PHKA2: variants seen among roughly 807,000 people sequenced by gnomAD.
The protein encoded by PHKA2 is phosphorylase b kinase regulatory subunit alpha, liver isoform.
Under a neutral mutation model 102.0 loss-of-function variants are expected in PHKA2, and 31 were observed. That is an observed-to-expected ratio of 0.30 (90% confidence interval 0.23 to 0.41). PHKA2 has a LOEUF of 0.41. Among genes scored for constraint, PHKA2 ranks in the 10% least tolerant of loss-of-function variants. The probability of loss-of-function intolerance (pLI) is 1.00; values close to 1 mark genes in which losing one functional copy is unlikely to be tolerated. For synonymous variants in PHKA2, 455 were observed against 416.2 expected (o/e 1.09, Z -1.13); for missense variants, 858 against 1,023.1 (o/e 0.84, Z 2.20).
At chrX:18,921,255 C>A (rs1176598361) in intron 17 of PHKA2, among the ~76,000 whole-genome samples, 1 of 111,394 alleles carries the variant, frequency 9.0e-6, no homozygotes, top group Non-Finnish European at 1.9e-5. Flanking sequence ...CATGGTGAAA[C>A]CCCTCTCTAC....
chrX:18,920,238 G>A (rs779176968), intron 17 of PHKA2, 37 bp from the exon 18 acceptor site: 3 of 683,386 alleles, frequency 4.4e-6, no homozygotes, highest in East Asian at 6.4e-5. Context: ...CACAGGTAGT[G>A]TGTGGATAAC....
intron 1 of PHKA2, among the ~76,000 whole-genome samples, chrX:18,967,563 G>A (rs1272234760): frequency 9.2e-6 from 1 of 108,574 alleles, no homozygotes; most frequent in Non-Finnish European, 1.9e-5. Flanking sequence ...GCTGAGATGT[G>A]TTTCGGTGGT....
intron 29 of PHKA2, 53 bp from the exon 30 acceptor site, chrX:18,897,386 G>C (rs1344436878): frequency 2.6e-6 from 3 of 1,137,696 alleles, no homozygotes; most frequent in Non-Finnish European, 3.6e-6. Flanking sequence ...GTGCCCCAGG[G>C]AAAGTGCGCC....
chrX:18,895,064 G>C, intron 31 of PHKA2, 74 bp downstream of exon 31: 1 of 966,209 alleles, frequency 1.0e-6, no homozygotes, highest in Non-Finnish European at 1.5e-6. Context: ...GAGCACAAGA[G>C]GTCAGAGTCC....
intron 13 of PHKA2, among the ~76,000 whole-genome samples, chrX:18,927,751 C>A (rs2048235871): frequency 8.9e-6 from 1 of 111,737 alleles, no homozygotes; most frequent in Admixed American, 9.5e-5. Context: ...AGGCCCTCAG[C>A]AAATGGGAAC....
chrX:18,977,344 T>G (rs1470030133), intron 1 of PHKA2, among the ~76,000 whole-genome samples: 2 of 112,524 alleles, frequency 1.8e-5, no homozygotes, highest in Admixed American at 9.5e-5. Flanking sequence ...AAAAAATATC[T>G]TGTGAAGCTG....
intron 27 of PHKA2, 66 bp downstream of exon 27, chrX:18,901,419 C>G (rs1350334190): frequency 1.4e-6 from 1 of 722,532 alleles, no homozygotes; most frequent in African/African-American, 2.1e-5. Context: ...GTTTCTGTCG[C>G]TTTCTGGGGT....
At chrX:18,921,246 A>C (rs1250920339) in intron 17 of PHKA2, among the ~76,000 whole-genome samples, 1 of 111,506 alleles carries the variant, frequency 9.0e-6, no homozygotes, top group Non-Finnish European at 1.9e-5. Context: ...CCTGGCCAAC[A>C]TGGTGAAACC....
chrX:18,899,972 T>A (rs1055640214), intron 28 of PHKA2, among the ~76,000 whole-genome samples: 4 of 111,445 alleles, frequency 3.6e-5, no homozygotes, highest in Non-Finnish European at 7.5e-5. Flanking sequence ...AAGGAACCAC[T>A]CAGATTCACC....
chrX:18,895,172 T>C lies in PHKA2; in HGVS notation c.3302A>G (p.Asp1101Gly), dbSNP rs776316072. Residue 1101 changes from aspartate (D) to glycine (G), a missense_variant, in exon 31 of 33, where the codon GAT becomes GGT. By Grantham distance (94) the Asp-to-Gly change is moderately conservative. Transcript: ENST00000379942. ...ILQKCHGLSI[D>G]GYVLPSSTTR... The stretch of plus-strand genomic sequence containing the variant: ...CGTCGAGGATGGGAGGACATAACCA[T>C]CGATGGAGAGACCGTGGCACTGGAG... The C allele has an allele frequency of 5.0e-6, 6 of 1,209,338 alleles. No homozygotes were observed. In the African/African-American group the frequency reaches 7.0e-5, roughly 14 times the overall value.
chrX:18,938,517 A>G (rs2048430642), intron 10 of PHKA2, 110 bp downstream of exon 10: 4 of 791,354 alleles, frequency 5.1e-6, no homozygotes, highest in Middle Eastern at 2.9e-4. Context: ...AAGTGGGAAC[A>G]GATAACCGAA....
At chrX:18,975,581 A>G (rs983469347) in intron 1 of PHKA2, among the ~76,000 whole-genome samples, 2 of 112,024 alleles carry the variant, frequency 1.8e-5, no homozygotes, top group Non-Finnish European at 3.8e-5. Flanking sequence ...CTTCCCCACA[A>G]TTTTCTCCAT....
At chrX:18,939,234 G>T (rs992029015) in intron 9 of PHKA2, among the ~76,000 whole-genome samples, 4 of 111,517 alleles carry the variant, frequency 3.6e-5, no homozygotes, top group African/African-American at 1.3e-4. Context: ...GTAGTACAAT[G>T]GTGTGATCTC....
At position 18,938,830 on chromosome X, in the gene PHKA2, T is replaced by C. The variant is rs41311493; in HGVS notation, c.919-81A>G. The C allele has an allele frequency of 9.8e-3, 9,123 of 932,777 alleles. 36 individuals are homozygous for C. Among genetic ancestry groups the C allele is most frequent in the Middle Eastern group, 0.026 (97 of 3,769 alleles). The allele number at this position is 932,777 out of a possible 1,213,427, so 76.9% of individuals were successfully genotyped here. A position where few individuals can be genotyped will look rare whatever the true frequency, so the allele number is the denominator to read the frequency against. Reference sequence around the variant, plus strand: ...CCATTGTGCCTCATGGGGTTTCCCATGCTTGACTGATTTTTACAGCTTTGA... The same window carrying C: ...CCATTGTGCCTCATGGGGTTTCCCACGCTTGACTGATTTTTACAGCTTTGA... On this transcript the variant is annotated intron_variant, in intron 9 of 32. Transcript: ENST00000379942.
Position 18,951,094 on chromosome X carries a change from C to G in PHKA2, c.454+10G>C, listed in dbSNP as rs778882246. On this transcript the variant is annotated intron_variant, in intron 4 of 32. Coordinates refer to ENST00000379942, the MANE Select transcript of PHKA2 (RefSeq NM_000292.3). ...TCCTTATACAATGGGCTCCAGCAACCCCAGCTCACCTGAGGCGGTCATCTG... is the reference window on the plus strand; with the variant it reads ...TCCTTATACAATGGGCTCCAGCAACGCCAGCTCACCTGAGGCGGTCATCTG... 8.3e-7 allele frequency: 1 copy of G among 1,209,813 alleles called. No homozygotes were observed. Among genetic ancestry groups the G allele is most frequent in the African/African-American group, 1.7e-5 (1 of 57,361 alleles).
intron 1 of PHKA2, among the ~76,000 whole-genome samples, chrX:18,960,536 G>A (rs775931087): frequency 1.8e-5 from 2 of 111,469 alleles, no homozygotes; most frequent in South Asian, 7.5e-4. Context: ...GATGGGGGAG[G>A]TGCCACATAC....
At chrX:18,899,023 C>T (rs969875217) in intron 29 of PHKA2, 150 bp downstream of exon 29, 7 of 531,571 alleles carry the variant, frequency 1.3e-5, no homozygotes, top group African/African-American at 2.3e-5. Context: ...TTCTACCCTC[C>T]TCAGAATTCC....
At chrX:18,939,569 G>C (rs1376104989) in intron 9 of PHKA2, among the ~76,000 whole-genome samples, 1 of 111,920 alleles carries the variant, frequency 8.9e-6, no homozygotes, top group African/African-American at 3.3e-5. Flanking sequence ...TTTCGGCTCA[G>C]TGCAAGCTCC....
intron 19 of PHKA2, among the ~76,000 whole-genome samples, chrX:18,913,496 C>T (rs1352513004): frequency 9.1e-6 from 1 of 109,393 alleles, no homozygotes; most frequent in Non-Finnish European, 1.9e-5. Context: ...ACCTCCACCT[C>T]CCTGGTTCAA....
Sources: gnomAD v4.1 joint callset for allele counts (sites outside exome capture counted in the v4.1 genomes callset) on GRCh38, gnomAD v4.1.1 for gene constraint, MANE v1.5 for transcripts, NCBI Gene and HGNC (gene_info 2026-07-23, HGNC 2026-07-21) for gene names.